Variants in ZMAT4 observed in about 807,000 individuals in gnomAD.
The protein encoded by ZMAT4 is zinc finger matrin-type protein 4.
ZMAT4 carries 17 observed loss-of-function variants against 28.7 expected under a neutral mutation model. The observed-to-expected ratio is 0.59, with a 90% CI of 0.41 to 0.89. The LOEUF (loss-of-function observed/expected upper bound fraction) is 0.89. Among genes scored for constraint, ZMAT4 ranks in the 40% least tolerant of loss-of-function variants. The probability of loss-of-function intolerance (pLI) is 0.00; values close to 1 mark genes in which losing one functional copy is unlikely to be tolerated. For missense variants in ZMAT4, 240 were observed against 283.8 expected (o/e 0.85, Z 1.11); for synonymous variants, 117 against 109.2 (o/e 1.07, Z -0.44).
Position 40,828,934 on chromosome 8 carries a change from A to T in ZMAT4, c.-4-3254T>A, listed in dbSNP as rs1816176258. On this transcript the variant is annotated intron_variant, in intron 1 of 6. Coordinates refer to ENST00000297737, the MANE Select transcript of ZMAT4 (RefSeq NM_024645.3). Reference sequence around the variant, plus strand: ...AGCTTCACTGGCCTTCACTGTCTTCACCAAGACAGCTGGTAAGAAAAAGGA... The same window carrying T: ...AGCTTCACTGGCCTTCACTGTCTTCTCCAAGACAGCTGGTAAGAAAAAGGA... Among the ~76,000 whole-genome samples the T allele has an allele frequency of 3.3e-5, 5 of 151,832 alleles. 1 individual carries two copies. The South Asian group carries it at 1.0e-3, about 32-fold the overall frequency.
chr8:40,781,501 G>A (rs893275455), intron 2 of ZMAT4, among the ~76,000 whole-genome samples: 3 of 151,960 alleles, frequency 2.0e-5, no homozygotes, highest in Admixed American at 1.3e-4. Flanking sequence ...GGTGGCTCAC[G>A]CCTGTAATCC....
intron 1 of ZMAT4, among the ~76,000 whole-genome samples, chr8:40,873,140 C>T (rs543175619): frequency 3.3e-5 from 5 of 152,256 alleles, no homozygotes; most frequent in African/African-American, 1.2e-4. Context: ...GGATGTGTTG[C>T]CTTCAGCCCA....
rs569077981 is a variant in ZMAT4 at position 40,651,648 on chromosome 8, G to A, written c.577+23056C>T. ...AATCCTAAGCCAAAAGAACAAAGCTGGAGGCATCACACTACCTGACTTCAA... is the reference window on the plus strand; with the variant it reads ...AATCCTAAGCCAAAAGAACAAAGCTAGAGGCATCACACTACCTGACTTCAA... On this transcript the variant is annotated intron_variant, in intron 5 of 6. Coordinates refer to ENST00000297737, the MANE Select transcript of ZMAT4 (RefSeq NM_024645.3). 2.3e-3 allele frequency among the ~76,000 whole-genome samples: 347 copies of A among 151,108 alleles called. 3 individuals are homozygous for A. Among genetic ancestry groups the A allele is most frequent in the African/African-American group, 8.1e-3 (335 of 41,152 alleles).
rs115708506 is a variant in ZMAT4, at chr8:40,827,795, C to G, written c.-4-2115G>C. Among the ~76,000 whole-genome samples, 829 of 152,282 alleles carry G rather than the reference C, an allele frequency of 5.4e-3. 9 individuals are homozygous for G. Among genetic ancestry groups the G allele is most frequent in the African/African-American group, 0.018 (768 of 41,552 alleles). The stretch of plus-strand genomic sequence containing the variant: ...TGCTGTGCCTGCAGGTTCACCTCCT[C>G]CCCCACAAGGCAACCTGTTCCAGAG... On this transcript the variant is annotated intron_variant, in intron 1 of 6. Coordinates refer to ENST00000297737, the MANE Select transcript of ZMAT4 (RefSeq NM_024645.3).
At chr8:40,754,600 T>G (rs1315115546) in intron 3 of ZMAT4, among the ~76,000 whole-genome samples, 1 of 152,198 alleles carries the variant, frequency 6.6e-6, no homozygotes, top group Non-Finnish European at 1.5e-5. Context: ...AAATTTTTAT[T>G]CCACCTGGGG....
chr8:40,642,737 G>A (rs1187752236), intron 5 of ZMAT4, among the ~76,000 whole-genome samples: 2 of 152,212 alleles, frequency 1.3e-5, no homozygotes, highest in East Asian at 3.9e-4. Context: ...GGATTGGAGG[G>A]AATGTGTACA....
intron 1 of ZMAT4, among the ~76,000 whole-genome samples, chr8:40,873,959 A>G (rs1817949979): frequency 6.6e-6 from 1 of 152,134 alleles, no homozygotes; most frequent in Admixed American, 6.5e-5. Flanking sequence ...TCTCACCACA[A>G]TCCTACTGCT....
chr8:40,685,494 C>T (rs1809362125), intron 4 of ZMAT4, among the ~76,000 whole-genome samples: 1 of 152,156 alleles, frequency 6.6e-6, no homozygotes, highest in Non-Finnish European at 1.5e-5. Context: ...CTGTGTCACC[C>T]ACAATTATTA....
At chr8:40,617,164 T>C (rs995868258) in intron 5 of ZMAT4, among the ~76,000 whole-genome samples, 1 of 152,304 alleles carries the variant, frequency 6.6e-6, no homozygotes, top group African/African-American at 2.4e-5. Flanking sequence ...ATTCTTTATA[T>C]TATATATTGT....
chr8:40,864,583 G>A (rs913973535), intron 1 of ZMAT4, among the ~76,000 whole-genome samples: 1 of 152,134 alleles, frequency 6.6e-6, no homozygotes, highest in Admixed American at 6.5e-5. Flanking sequence ...CCCCAGTTGT[G>A]GCAGTGATGA....
intron 1 of ZMAT4, among the ~76,000 whole-genome samples, chr8:40,865,350 G>T (rs72641600): frequency 0.16 from 24,549 of 152,204 alleles, 2,128 homozygotes; most frequent in Non-Finnish European, 0.19. Context: ...CCAGAAAAAA[G>T]AAATCTTCCC....
chr8:40,601,248 AT>A (rs559445592), intron 5 of ZMAT4, among the ~76,000 whole-genome samples: 350 of 150,738 alleles, frequency 2.3e-3, no homozygotes, highest in Non-Finnish European at 4.0e-3. Flanking sequence ...CCTAGGCAGC[AT>A]TTTTTTTTCC....
chr8:40,694,996 A>T (rs1809820019), intron 4 of ZMAT4, among the ~76,000 whole-genome samples: 1 of 152,180 alleles, frequency 6.6e-6, no homozygotes, highest in Admixed American at 6.5e-5. Flanking sequence ...AGAGAGGCCA[A>T]GAAGAATCTA....
Position 40,604,429 on chromosome 8 carries a change from A to C in ZMAT4, c.578-23168T>G, listed in dbSNP as rs1440852176. 3.9e-5 allele frequency among the ~76,000 whole-genome samples: 6 copies of C among 152,286 alleles called. No individual in the cohort carries two copies. The East Asian group carries it at 1.2e-3, about 29-fold the overall frequency. ...ATTTTGCTGAGGGTTTTGATCATAAAGTGATGCTGGATTTTGTCAAATGCT... is the reference window on the plus strand; with the variant it reads ...ATTTTGCTGAGGGTTTTGATCATAACGTGATGCTGGATTTTGTCAAATGCT... On this transcript the variant is annotated intron_variant, in intron 5 of 6. Transcript: ENST00000297737.
intron 2 of ZMAT4, among the ~76,000 whole-genome samples, chr8:40,811,543 T>A (rs1048503627): frequency 6.6e-6 from 1 of 152,190 alleles, no homozygotes; most frequent in East Asian, 1.9e-4. Flanking sequence ...GAGTCACTTT[T>A]GTCTCCACAC....
intron 2 of ZMAT4, among the ~76,000 whole-genome samples, chr8:40,799,466 A>G (rs62643260): frequency 0.03 from 4,518 of 152,318 alleles, 88 homozygotes; most frequent in Middle Eastern, 0.054. Context: ...CTTTATTCCA[A>G]ATTTAAAGAT....
At chr8:40,786,745 T>G (rs1428147705) in intron 2 of ZMAT4, 1 of 1,289,364 alleles carries the variant, frequency 7.8e-7, no homozygotes, top group Non-Finnish European at 1.0e-6. Context: ...TGGCTTAGTA[T>G]GTCTAATGAA....
chr8:40,567,187 C>T (rs143295645), intron 6 of ZMAT4, among the ~76,000 whole-genome samples: 9 of 152,234 alleles, frequency 5.9e-5, no homozygotes, highest in Admixed American at 3.3e-4. Flanking sequence ...ATAACACCAA[C>T]ATTTCTGAAA....
At chr8:40,563,298 T>C (rs896869967) in intron 6 of ZMAT4, among the ~76,000 whole-genome samples, 1 of 152,174 alleles carries the variant, frequency 6.6e-6, no homozygotes, top group African/African-American at 2.4e-5. Context: ...CAGTCTCAAA[T>C]ATATTAGCAT....
Sources: allele counts gnomAD v4.1 joint callset (sites outside exome capture counted in the v4.1 genomes callset), GRCh38; gene constraint gnomAD v4.1.1; transcripts MANE v1.5; gene names NCBI Gene and HGNC (gene_info 2026-07-23, HGNC 2026-07-21).